Variants in SLIT3 observed in about 807,000 individuals in gnomAD.
SLIT3 encodes the protein slit guidance ligand 3.
SLIT3 carries 68 observed loss-of-function variants against 184.0 expected under a neutral mutation model. The ratio of observed to expected loss-of-function variants is 0.37; its 90% confidence interval spans 0.30 to 0.45. SLIT3 has a LOEUF of 0.45. Ranked by LOEUF, SLIT3 falls within the 20% of genes least tolerant of loss-of-function variation. The pLI is 1.00. For synonymous variants in SLIT3, 831 were observed against 828.6 expected (o/e 1.00, Z -0.05); for missense variants, 1,707 against 2,026.0 (o/e 0.84, Z 3.02).
chr5:169,032,839 G>A (rs1757081817), intron 4 of SLIT3, among the ~76,000 whole-genome samples: 1 of 150,560 alleles, frequency 6.6e-6, no homozygotes, highest in Non-Finnish European at 1.5e-5. Flanking sequence ...AACATGATAT[G>A]GGATACAAAC....
intron 4 of SLIT3, among the ~76,000 whole-genome samples, chr5:168,889,769 T>C (rs1371919022): frequency 6.6e-6 from 1 of 152,160 alleles, no homozygotes; most frequent in African/African-American, 2.4e-5. Context: ...CCTCCTGCAG[T>C]TTACATCCTT....
At chr5:168,936,113 T>C (rs1762150315) in intron 4 of SLIT3, among the ~76,000 whole-genome samples, 2 of 152,174 alleles carry the variant, frequency 1.3e-5, no homozygotes, top group Non-Finnish European at 2.9e-5. Flanking sequence ...AGCAAAGAGA[T>C]TCTAACCAAA....
At chr5:168,739,531 T>A (rs1006005329) in intron 20 of SLIT3, among the ~76,000 whole-genome samples, 4 of 151,560 alleles carry the variant, frequency 2.6e-5, no homozygotes, top group Admixed American at 2.6e-4. Context: ...CAAGTGATTC[T>A]CCTGCCTCAC....
intron 16 of SLIT3, among the ~76,000 whole-genome samples, chr5:168,757,559 G>A (rs1754994359): frequency 1.3e-5 from 2 of 152,132 alleles, no homozygotes; most frequent in Non-Finnish European, 2.9e-5. Context: ...TCAGCCCCCC[G>A]AGTAGCTGGC....
chr5:168,691,860 CA>C (rs1761919147), intron 29 of SLIT3, among the ~76,000 whole-genome samples: 1 of 152,172 alleles, frequency 6.6e-6, no homozygotes, highest in Admixed American at 6.5e-5. Context: ...AAGGGTCTCA[CA>C]ATCTTCTCTA....
intron 27 of SLIT3, among the ~76,000 whole-genome samples, 186 bp downstream of exon 27, chr5:168,700,395 GC>G (rs1223149403): frequency 6.6e-6 from 1 of 152,200 alleles, no homozygotes; most frequent in African/African-American, 2.4e-5. Context: ...GCTCTCTTTT[GC>G]CTCCCGCCAT....
chr5:168,881,504 A>G (rs905804), intron 5 of SLIT3, among the ~76,000 whole-genome samples: 6,535 of 152,288 alleles, frequency 0.043, 255 homozygotes, highest in Admixed American at 0.11. Flanking sequence ...TGACTGATAT[A>G]TCACTTTATA....
intron 4 of SLIT3, among the ~76,000 whole-genome samples, chr5:169,171,117 A>G (rs906234156): frequency 6.6e-6 from 1 of 152,088 alleles, no homozygotes; most frequent in Admixed American, 6.5e-5. Flanking sequence ...ACAGATGAAT[A>G]GAGAGACTTC....
intron 4 of SLIT3, among the ~76,000 whole-genome samples, chr5:169,183,483 T>C (rs186175186): frequency 1.1e-3 from 162 of 152,286 alleles, no homozygotes; most frequent in Non-Finnish European, 1.9e-3. Context: ...ATTCAGTTGG[T>C]CCCACATTTC....
intron 4 of SLIT3, among the ~76,000 whole-genome samples, chr5:169,046,116 G>A (rs764279918): frequency 6.6e-6 from 1 of 152,148 alleles, no homozygotes; most frequent in African/African-American, 2.4e-5. Flanking sequence ...TGTATGGAGG[G>A]AGACCCCTTC....
intron 1 of SLIT3, among the ~76,000 whole-genome samples, chr5:169,299,911 T>G (rs972379766): frequency 6.6e-6 from 1 of 152,198 alleles, no homozygotes; most frequent in African/African-American, 2.4e-5. Context: ...CACCCGGGGC[T>G]GCAACTTGGC....
intron 4 of SLIT3, among the ~76,000 whole-genome samples, chr5:169,157,819 G>C (rs1160475098): frequency 6.6e-6 from 1 of 151,654 alleles, no homozygotes; most frequent in African/African-American, 2.4e-5. Context: ...GAATGTCTCA[G>C]CAAAAAACAA....
At chr5:169,255,272 A>C (rs528942692) in intron 1 of SLIT3, among the ~76,000 whole-genome samples, 10 of 152,214 alleles carry the variant, frequency 6.6e-5, no homozygotes, top group Non-Finnish European at 1.3e-4. Context: ...AGCTTCACGC[A>C]TGTCCTTGAG....
intron 4 of SLIT3, among the ~76,000 whole-genome samples, chr5:169,117,940 G>A (rs1760745039): frequency 6.6e-6 from 1 of 152,176 alleles, no homozygotes; most frequent in Non-Finnish European, 1.5e-5. Flanking sequence ...CTCTCATACA[G>A]GCCCAGCATC....
chr5:168,805,062 T>A (rs1274517695), intron 9 of SLIT3, among the ~76,000 whole-genome samples: 2 of 152,236 alleles, frequency 1.3e-5, no homozygotes, highest in African/African-American at 4.8e-5. Context: ...CTCCACAGAA[T>A]CTACCTTCTG....
At chr5:168,724,305 A>G (rs1444994943) in intron 21 of SLIT3, 111 bp downstream of exon 21, 1 of 731,938 alleles carries the variant, frequency 1.4e-6, no homozygotes, top group African/African-American at 1.8e-5. Flanking sequence ...GCATCTTTCA[A>G]TTACCACTTG....
chr5:168,976,420 G>C (rs1449452173), intron 4 of SLIT3, among the ~76,000 whole-genome samples: 1 of 152,198 alleles, frequency 6.6e-6, no homozygotes, highest in South Asian at 2.1e-4. Context: ...CCTAGTTGTT[G>C]CTAGAGAGCC....
chr5:169,094,708 G>A (rs1198509440), intron 4 of SLIT3, among the ~76,000 whole-genome samples: 3 of 152,230 alleles, frequency 2.0e-5, no homozygotes, highest in Non-Finnish European at 4.4e-5. Context: ...AGAATAGAGT[G>A]CTGACACACC....
chr5:168,678,365 G>A (rs1377873035), intron 32 of SLIT3, among the ~76,000 whole-genome samples: 5 of 152,078 alleles, frequency 3.3e-5, no homozygotes, highest in Non-Finnish European at 7.4e-5. Context: ...GGCCGGGCAC[G>A]GTGGCTCACA....
Sources: allele counts gnomAD v4.1 joint callset (sites outside exome capture counted in the v4.1 genomes callset), GRCh38; gene constraint gnomAD v4.1.1; transcripts MANE v1.5; gene names NCBI Gene and HGNC (gene_info 2026-07-23, HGNC 2026-07-21).